The following DMRT1 variants were observed in gnomAD, a reference collection of about 807,000 sequenced individuals.
The protein encoded by DMRT1 is doublesex- and mab-3-related transcription factor 1.
Under a neutral mutation model 32.3 loss-of-function variants are expected in DMRT1, and 7 were observed. That is an observed-to-expected ratio of 0.22 (90% confidence interval 0.12 to 0.41). The LOEUF (loss-of-function observed/expected upper bound fraction) is 0.41. Ranked by LOEUF, DMRT1 falls within the 10% of genes least tolerant of loss-of-function variation. The pLI is 1.00. For synonymous variants in DMRT1, 278 were observed against 206.1 expected, an observed-to-expected ratio of 1.35 and a Z score of -2.99; for missense variants, 625 against 500.5, an observed-to-expected ratio of 1.25 and a Z score of -2.37.
chr9:961,621 G>C (rs1030210058), intron 4 of DMRT1, among the ~76,000 whole-genome samples: 9 of 152,210 alleles, frequency 5.9e-5, no homozygotes, highest in Non-Finnish European at 1.2e-4. Flanking sequence ...GGCCGTTCAA[G>C]TGAGGAATAG....
At chr9:870,491 A>G (rs1356461052) in intron 2 of DMRT1, among the ~76,000 whole-genome samples, 1 of 152,094 alleles carries the variant, frequency 6.6e-6, no homozygotes, top group Non-Finnish European at 1.5e-5. Flanking sequence ...CCGTGACAGC[A>G]TCCGTCATAA....
intron 4 of DMRT1, among the ~76,000 whole-genome samples, chr9:927,057 C>G (rs1398608948): frequency 6.6e-6 from 1 of 152,236 alleles, no homozygotes; most frequent in African/African-American, 2.4e-5. Context: ...GAGATTTCCT[C>G]ATTTGAATCT....
intron 2 of DMRT1, among the ~76,000 whole-genome samples, chr9:854,678 T>C (rs1815311874): frequency 7.4e-6 from 1 of 134,232 alleles, no homozygotes; most frequent in African/African-American, 2.6e-5. Flanking sequence ...TAGGAAATGA[T>C]ATTAGATTAA....
chr9:860,574 C>A (rs1049595849), intron 2 of DMRT1, among the ~76,000 whole-genome samples: 1 of 152,110 alleles, frequency 6.6e-6, no homozygotes. Context: ...GCATATATCT[C>A]TCACATGGAC....
At chr9:851,984 G>A (rs2132554455) in intron 2 of DMRT1, among the ~76,000 whole-genome samples, 1 of 150,654 alleles carries the variant, frequency 6.6e-6, no homozygotes, top group South Asian at 2.1e-4. Context: ...CTGTCGCTTA[G>A]GCTGGAGTGC....
At chr9:872,523 C>G (rs949916709) in intron 2 of DMRT1, among the ~76,000 whole-genome samples, 4 of 152,216 alleles carry the variant, frequency 2.6e-5, no homozygotes, top group Non-Finnish European at 4.4e-5. Context: ...AGCCTACTTT[C>G]TATCTGTATA....
chr9:935,639 A>G (rs1003663573), intron 4 of DMRT1, among the ~76,000 whole-genome samples: 5 of 152,230 alleles, frequency 3.3e-5, no homozygotes, highest in Non-Finnish European at 7.3e-5. Flanking sequence ...TTTATGCTGC[A>G]AAGAGAGCCC....
intron 4 of DMRT1, among the ~76,000 whole-genome samples, chr9:942,844 A>AT (rs991314006): frequency 1.8e-4 from 27 of 149,472 alleles, no homozygotes; most frequent in East Asian, 5.9e-4. Flanking sequence ...ATTTATTTCT[A>AT]TTTTTTTTTC....
At chr9:875,766 G>GTGTATGTA (rs57573342) in intron 2 of DMRT1, among the ~76,000 whole-genome samples, 2 of 151,932 alleles carry the variant, frequency 1.3e-5, no homozygotes, top group African/African-American at 4.8e-5. Flanking sequence ...GTGCATGTGT[G>GTGTATGTA]TGTATGTATG....
intron 4 of DMRT1, among the ~76,000 whole-genome samples, chr9:934,492 G>A (rs1012806500): frequency 6.6e-6 from 1 of 152,092 alleles, no homozygotes; most frequent in African/African-American, 2.4e-5. Context: ...AATCACACCA[G>A]CGCTCTCCAG....
At position 936,753 on chromosome 9, in the gene DMRT1, CA is replaced by C. The variant is rs552878647; in HGVS notation, c.967+19863del. Among the ~76,000 whole-genome samples the C allele has an allele frequency of 5.7e-3, 603 of 105,568 alleles. 1 individual carries two copies. Among genetic ancestry groups the C allele is most frequent in the Middle Eastern group, 0.011 (2 of 182 alleles). The allele number at this position is 105,568 out of a possible 152,430, so 69.3% of individuals were successfully genotyped here. The stretch of plus-strand genomic sequence containing the variant: ...TGGGCAACAGAGCAAAACTTCATCT[CA>C]AAAAAAAAAAAAAAAAGTCTTCTTC... On this transcript the variant is annotated intron_variant, in intron 4 of 4. Coordinates refer to ENST00000382276, the MANE Select transcript of DMRT1 (RefSeq NM_021951.3).
At chr9:861,054 T>C (rs1257901224) in intron 2 of DMRT1, among the ~76,000 whole-genome samples, 5 of 38,442 alleles carry the variant, frequency 1.3e-4, no homozygotes, top group Admixed American at 2.6e-4. Context: ...TACTTTCTTT[T>C]TTTTTTTTTT....
Position 901,000 on chromosome 9 carries a change from G to GT in DMRT1, c.822+6817dup, listed in dbSNP as rs34176929. 1.2e-3 allele frequency among the ~76,000 whole-genome samples: 186 copies of GT among 150,074 alleles called. 2 individuals are homozygous for GT. The East Asian group carries it at 0.014, about 12-fold the overall frequency. On this transcript the variant is annotated intron_variant, in intron 3 of 4. Coordinates refer to ENST00000382276, the MANE Select transcript of DMRT1 (RefSeq NM_021951.3). ...AGCTGCTGTGCCTAGCTCTACTTCA[G>GT]TTTTTTTTTTTTAATTATTATTATT...
chr9:915,471 A>G (rs918899879), intron 3 of DMRT1, among the ~76,000 whole-genome samples: 12 of 145,808 alleles, frequency 8.2e-5, no homozygotes, highest in African/African-American at 3.0e-4. Context: ...CCGGAAAAAA[A>G]TGAATGACTG....
At chr9:942,856 A>T (rs1396836998) in intron 4 of DMRT1, among the ~76,000 whole-genome samples, 3 of 151,620 alleles carry the variant, frequency 2.0e-5, no homozygotes, top group African/African-American at 7.3e-5. Flanking sequence ...TTTTTTTTCA[A>T]TCCTCACAAA....
rs1047825868 is a variant in DMRT1 at position 852,511 on chromosome 9, G to C, written c.538+5368G>C. ...TATTTAATATTCTACTTTTTCTTCA[G>C]CCTCCCGTGCTCCTATAGAATGCTG... On this transcript the variant is annotated intron_variant, in intron 2 of 4. Transcript: ENST00000382276. Among the ~76,000 whole-genome samples the C allele has an allele frequency of 4.0e-5, 6 of 150,992 alleles. No homozygotes were observed. The East Asian group carries it at 9.8e-4, about 25-fold the overall frequency.
chr9:896,103 G>A (rs56785457), intron 3 of DMRT1, among the ~76,000 whole-genome samples: 5,749 of 151,268 alleles, frequency 0.038, 155 homozygotes, highest in African/African-American at 0.078. Context: ...ACTCCCAGCC[G>A]TAATTGAAAC....
chr9:879,126 A>T (rs751282223), intron 2 of DMRT1, among the ~76,000 whole-genome samples: 5 of 152,168 alleles, frequency 3.3e-5, no homozygotes, highest in Non-Finnish European at 7.4e-5. Context: ...CCAGGCTCTA[A>T]TTCTCTCAAA....
chr9:864,969 G>C (rs1306224722), intron 2 of DMRT1, among the ~76,000 whole-genome samples: 1 of 152,148 alleles, frequency 6.6e-6, no homozygotes, highest in African/African-American at 2.4e-5. Flanking sequence ...GGAATGGGGA[G>C]ATATACTGTC....
Sources: gnomAD v4.1 joint callset for allele counts (sites outside exome capture counted in the v4.1 genomes callset) on GRCh38, gnomAD v4.1.1 for gene constraint, MANE v1.5 for transcripts, NCBI Gene and HGNC (gene_info 2026-07-23, HGNC 2026-07-21) for gene names.